Variants in ADGRL4 observed in about 807,000 individuals in gnomAD.
ADGRL4 encodes the protein EGF, latrophilin and seven transmembrane domain containing 1.
In ADGRL4, 90 loss-of-function variants were observed where a neutral mutation model predicts 74.8. The observed-to-expected ratio is 1.20, with a 90% CI of 1.02 to 1.43. The LOEUF is 1.43. ADGRL4 is among the 40% of genes most tolerant of loss of function. The probability of loss-of-function intolerance (pLI) is 0.00; values close to 1 mark genes in which losing one functional copy is unlikely to be tolerated. For synonymous variants in ADGRL4, 311 were observed against 279.2 expected, an observed-to-expected ratio of 1.11 and a Z score of -1.14; for missense variants, 881 against 814.3, an observed-to-expected ratio of 1.08 and a Z score of -1.00.
chr1:78,979,356 A>T (rs1437335838), intron 2 of ADGRL4, among the ~76,000 whole-genome samples: 1 of 151,936 alleles, frequency 6.6e-6, no homozygotes, highest in Non-Finnish European at 1.5e-5. Context: ...TTCTTCTTCT[A>T]TTCGCACCCT....
At chr1:78,915,566 C>T (rs1648853410) in intron 12 of ADGRL4, among the ~76,000 whole-genome samples, 1 of 151,844 alleles carries the variant, frequency 6.6e-6, no homozygotes, top group Admixed American at 6.6e-5. Flanking sequence ...AAAGGCCAAG[C>T]ATGCCTAACT....
At chr1:78,905,888 G>C (rs889501821) in intron 12 of ADGRL4, among the ~76,000 whole-genome samples, 6 of 151,876 alleles carry the variant, frequency 4.0e-5, no homozygotes, top group African/African-American at 1.4e-4. Context: ...CTCACATTTT[G>C]CAGATTGTGA....
chr1:78,911,149 A>G (rs1648753832), intron 12 of ADGRL4, among the ~76,000 whole-genome samples: 1 of 151,818 alleles, frequency 6.6e-6, no homozygotes, highest in South Asian at 2.1e-4. Context: ...AAAATAAGCA[A>G]ATACCATTTA....
chr1:78,978,814 GT>G (rs2100724145), intron 2 of ADGRL4, among the ~76,000 whole-genome samples: 1 of 152,098 alleles, frequency 6.6e-6, no homozygotes, highest in African/African-American at 2.4e-5. Context: ...GAGGTGCAAA[GT>G]TTGGAGGCAG....
At chr1:78,983,673 G>C (rs890252312) in intron 2 of ADGRL4, among the ~76,000 whole-genome samples, 7 of 151,762 alleles carry the variant, frequency 4.6e-5, no homozygotes, top group Non-Finnish European at 8.8e-5. Context: ...AGAGCTAACA[G>C]ATTAAAACTT....
At chr1:78,968,503 T>C (rs1602053) in intron 2 of ADGRL4, among the ~76,000 whole-genome samples, 3 of 97,694 alleles carry the variant, frequency 3.1e-5, no homozygotes, top group African/African-American at 4.1e-5. Context: ...TGGAGGGCGG[T>C]GGGGGGGTGG....
In ADGRL4 at chr1:78,987,996, A is replaced by ATT. The variant is rs35846815; in HGVS notation, c.172+17072_172+17073dup. ...TTTAAATTTTTAAAATAGCCACTGC[A>ATT]TTTTTTTTGTTTCTGTAATTTAGGA... On this transcript the variant is annotated intron_variant, in intron 2 of 14. Transcript: ENST00000370742. Among the ~76,000 whole-genome samples, 21 of 151,144 alleles carry ATT rather than the reference A, an allele frequency of 1.4e-4. No individual in the cohort carries two copies. In the South Asian group the frequency reaches 1.5e-3, roughly 10 times the overall value.
chr1:78,891,763 T>C, intron 13 of ADGRL4, 71 bp from the exon 14 acceptor site: 1 of 1,381,892 alleles, frequency 7.2e-7, no homozygotes, highest in Non-Finnish European at 9.8e-7. Context: ...ATTACTCAAA[T>C]TATGTGGGAG....
At chr1:78,903,012 G>T (rs1648550195) in intron 12 of ADGRL4, among the ~76,000 whole-genome samples, 1 of 151,598 alleles carries the variant, frequency 6.6e-6, no homozygotes, top group Non-Finnish European at 1.5e-5. Context: ...TATAAATTGG[G>T]GTACATGAAG....
chr1:78,949,927 G>A lies in ADGRL4; in HGVS notation c.173-3501C>T, dbSNP rs141527181. 2.6e-3 allele frequency among the ~76,000 whole-genome samples: 401 copies of A among 152,124 alleles called. 1 individual carries two copies. The highest frequency in any genetic ancestry group is 3.7e-3 in the Non-Finnish European group (254 of 68,002). The stretch of plus-strand genomic sequence containing the variant: ...ATTCTCTGATAAAAAATTCTTCCTC[G>A]TTCACCTCTGATACGCTGAGTTAAG... On this transcript the variant is annotated intron_variant, in intron 2 of 14. Transcript: ENST00000370742.
chr1:78,967,076 T>G (rs1229320299), intron 2 of ADGRL4, among the ~76,000 whole-genome samples: 2 of 152,160 alleles, frequency 1.3e-5, no homozygotes, highest in Non-Finnish European at 2.9e-5. Flanking sequence ...AGTGCTTGGA[T>G]CAAATATTTT....
intron 12 of ADGRL4, among the ~76,000 whole-genome samples, chr1:78,908,782 A>G (rs1398754050): frequency 6.6e-6 from 1 of 151,972 alleles, no homozygotes; most frequent in African/African-American, 2.4e-5. Context: ...TGGGCTTTAG[A>G]GATCCAAGAG....
chr1:78,925,148 C>T (rs1442335491), intron 8 of ADGRL4, among the ~76,000 whole-genome samples: 1 of 151,926 alleles, frequency 6.6e-6, no homozygotes, highest in African/African-American at 2.4e-5. Flanking sequence ...ATGTAGTGGG[C>T]CAAACTGGCC....
At chr1:78,916,176 C>A (rs1044751563) in intron 12 of ADGRL4, among the ~76,000 whole-genome samples, 1 of 151,854 alleles carries the variant, frequency 6.6e-6, no homozygotes, top group Non-Finnish European at 1.5e-5. Flanking sequence ...ACACAAGCAA[C>A]TGTTAAAAAC....
At position 78,921,730 on chromosome 1, in the gene ADGRL4, C is replaced by G. The variant is rs973966407; in HGVS notation, c.1140G>C (p.Met380Ile). 6.2e-7 allele frequency: 1 copy of G among 1,603,920 alleles called. No individual in the cohort carries two copies. The highest frequency in any genetic ancestry group is 8.5e-7 in the Non-Finnish European group (1 of 1,174,848). ...CAFWNYSPDT[M>I]NGSWSSEGCE... ...AGCCCTCTGAAGACCAGCTGCCATT[C>G]ATGGTATCAGGTGAGTAATTCCAAA... The change falls in exon 9 of 15, where the codon ATG becomes ATC. Residue 380 changes from methionine (M) to isoleucine (I), a missense_variant. By Grantham distance (10) the Met-to-Ile change is conservative. Coordinates refer to ENST00000370742, the MANE Select transcript of ADGRL4 (RefSeq NM_022159.4).
rs530968360 is a variant in ADGRL4, at chr1:78,929,760, C to A, written c.878-2669G>T. Among the ~76,000 whole-genome samples the A allele has an allele frequency of 2.0e-4, 30 of 151,368 alleles. 1 individual carries two copies. The highest frequency in any genetic ancestry group is 7.1e-4 in the African/African-American group (29 of 40,766). ...TTTACTGACAGCTAATATTACTGTCCCTTTCAAATGTCACTTTGTACATAG... is the reference window on the plus strand; with the variant it reads ...TTTACTGACAGCTAATATTACTGTCACTTTCAAATGTCACTTTGTACATAG... On this transcript the variant is annotated intron_variant, in intron 7 of 14. Transcript: ENST00000370742.
intron 3 of ADGRL4, among the ~76,000 whole-genome samples, chr1:78,940,173 A>C (rs1182385046): frequency 6.6e-6 from 1 of 152,160 alleles, no homozygotes; most frequent in Non-Finnish European, 1.5e-5. Flanking sequence ...TATTAAACTA[A>C]ACTGATTTCA....
At chr1:78,976,134 G>T (rs1221447950) in intron 2 of ADGRL4, among the ~76,000 whole-genome samples, 1 of 151,888 alleles carries the variant, frequency 6.6e-6, no homozygotes, top group Non-Finnish European at 1.5e-5. Flanking sequence ...GAAGAACAAG[G>T]TGACTAGAGT....
intron 2 of ADGRL4, among the ~76,000 whole-genome samples, chr1:78,976,338 T>C (rs1279833798): frequency 1.3e-5 from 2 of 151,934 alleles, no homozygotes; most frequent in Non-Finnish European, 2.9e-5. Context: ...ACAAACAAGA[T>C]GGAAAATAGG....
Sources: gnomAD v4.1 joint callset for allele counts (sites outside exome capture counted in the v4.1 genomes callset) on GRCh38, gnomAD v4.1.1 for gene constraint, MANE v1.5 for transcripts, NCBI Gene and HGNC (gene_info 2026-07-23, HGNC 2026-07-21) for gene names.